Variants in COL9A1 observed in about 807,000 individuals in gnomAD.
The protein encoded by COL9A1 is collagen type IX alpha 1 chain.
A neutral mutation model predicts 142.6 loss-of-function variants in COL9A1; 104 were observed. The ratio of observed to expected loss-of-function variants is 0.73; its 90% confidence interval spans 0.62 to 0.86. COL9A1 has a LOEUF of 0.86. Ranked by LOEUF, COL9A1 falls within the 40% of genes least tolerant of loss-of-function variation. The pLI is 0.00. For synonymous variants in COL9A1, 466 were observed against 396.0 expected, an observed-to-expected ratio of 1.18 and a Z score of -2.10; for missense variants, 1,210 against 1,176.6, an observed-to-expected ratio of 1.03 and a Z score of -0.42.
chr6:70,297,330 A>G (rs1186422507), intron 4 of COL9A1, among the ~76,000 whole-genome samples: 2 of 152,158 alleles, frequency 1.3e-5, no homozygotes, highest in Non-Finnish European at 2.9e-5. Flanking sequence ...TGAAGATAAT[A>G]TATGTGTGTG....
chr6:70,227,331 G>A (rs1161651133), intron 36 of COL9A1, among the ~76,000 whole-genome samples: 3 of 146,584 alleles, frequency 2.0e-5, no homozygotes, highest in African/African-American at 7.6e-5. Context: ...CAAAATACAT[G>A]AGCAGGCAGG....
Position 70,256,911 on chromosome 6 carries a change from G to A in COL9A1, c.1450-90C>T. 3 of 1,242,238 alleles carry A rather than the reference G, an allele frequency of 2.4e-6. No individual in the cohort carries two copies. In the South Asian group the frequency reaches 3.8e-5, roughly 16 times the overall value. 77.0% of individuals were successfully genotyped at this position (1,242,238 alleles called of 1,614,324 possible). ...TCTTTCTAAAGAAATTTAATAGCCA[G>A]ATGAAAAGGAGGTTTTGTGCCTGTA... On this transcript the variant is annotated intron_variant, in intron 20 of 37. Coordinates refer to ENST00000357250, the MANE Select transcript of COL9A1 (RefSeq NM_001851.6).
chr6:70,267,794 G>A (rs866201630), intron 17 of COL9A1, among the ~76,000 whole-genome samples: 9 of 152,102 alleles, frequency 5.9e-5, no homozygotes, highest in African/African-American at 1.9e-4. Flanking sequence ...GAAAACTGTC[G>A]GAACTTTCAC....
chr6:70,294,501 C>T lies in COL9A1; in HGVS notation c.362G>A (p.Gly121Glu), dbSNP rs1773779562. The T allele has an allele frequency of 1.2e-6, 2 of 1,613,944 alleles. No homozygotes were observed. The highest frequency in any genetic ancestry group is 2.7e-5 in the African/African-American group (2 of 74,928). The change falls in exon 5 of 38, where the codon GGA becomes GAA. Residue 121 changes from glycine (G) to glutamate (E), a missense_variant. Transcript: ENST00000357250. ...YSFLTTFRMT[G>E]STLKKNWNIW... ...GTTCCAGTTCTTTTTGAGAGTGCTT[C>T]CAGTCATTCGAAACGTCGTCAAGAA...
In COL9A1 at chr6:70,216,670, C is replaced by G; in HGVS notation, c.*227G>C. On this transcript the variant is annotated 3_prime_UTR_variant, in exon 38 of 38. Transcript: ENST00000357250. ...TTTGGTTTTCTTTTTTTTTTTTTAA[C>G]TGATGACTCTGCTGTCTTCCCTCCA... 2 of 460,766 alleles carry G rather than the reference C, an allele frequency of 4.3e-6. No homozygotes were observed. Among genetic ancestry groups the G allele is most frequent in the Non-Finnish European group, 7.8e-6 (2 of 256,852 alleles). The allele number at this position is 460,766 out of a possible 1,614,324, so 28.5% of individuals were successfully genotyped here. A position where few individuals can be genotyped will look rare whatever the true frequency, so the allele number is the denominator to read the frequency against.
chr6:70,281,318 A>G, intron 8 of COL9A1, 72 bp downstream of exon 8: 4 of 1,434,876 alleles, frequency 2.8e-6, no homozygotes, highest in Non-Finnish European at 3.8e-6. Flanking sequence ...AAAAAACCCC[A>G]CAGGAGCCCT....
At chr6:70,253,019 A>G (rs1009989398) in intron 26 of COL9A1, among the ~76,000 whole-genome samples, 1 of 152,178 alleles carries the variant, frequency 6.6e-6, no homozygotes, top group Non-Finnish European at 1.5e-5. Context: ...AGTATGTGAA[A>G]AAAAAAATGC....
Position 70,217,081 on chromosome 6 carries a change from C to T in COL9A1, c.2582G>A (p.Gly861Asp). The T allele has an allele frequency of 6.2e-7, 1 of 1,613,956 alleles. No homozygotes were observed. Among genetic ancestry groups the T allele is most frequent in the Non-Finnish European group, 8.5e-7 (1 of 1,180,006 alleles). ...GCCATAGCTGGCAGGGCCTGGGTCA[C>T]CTGAAACACACAGAAGATTGCACAT... ...NGLPGAIGLPGDPGPASYGRN... is the reference protein window; with the variant it reads ...NGLPGAIGLPDDPGPASYGRN... Residue 861 changes from glycine to aspartate, a missense_variant and splice_region_variant, in exon 38 of 38, where the codon GGT (glycine) becomes GAT (aspartate). Transcript: ENST00000357250.
chr6:70,248,747 T>C (rs756116176), intron 28 of COL9A1, among the ~76,000 whole-genome samples: 10 of 152,090 alleles, frequency 6.6e-5, no homozygotes, highest in Non-Finnish European at 1.0e-4. Context: ...CAAGAAATAT[T>C]GATTGAGTGC....
intron 10 of COL9A1, chr6:70,279,934 G>A: frequency 1.6e-6 from 1 of 610,714 alleles, no homozygotes; most frequent in Non-Finnish European, 3.0e-6. Context: ...AGTAACTTGA[G>A]TGATGCACCA....
At chr6:70,263,202 AT>A (rs1310256674) in intron 19 of COL9A1, 41 bp downstream of exon 19, 2 of 1,427,330 alleles carry the variant, frequency 1.4e-6, no homozygotes, top group East Asian at 5.0e-5. Flanking sequence ...AAAAAAGAAT[AT>A]TTACATATCC....
intron 28 of COL9A1, chr6:70,246,088 T>G (rs1023742890): frequency 2.0e-5 from 3 of 152,300 alleles, no homozygotes; most frequent in Non-Finnish European, 4.4e-5. Context: ...CATTCAGGGC[T>G]AGGCGCAGGG....
chr6:70,221,718 C>T (rs1471607895), intron 37 of COL9A1, among the ~76,000 whole-genome samples: 1 of 152,044 alleles, frequency 6.6e-6, no homozygotes, highest in South Asian at 2.1e-4. Context: ...TATGTTTTGC[C>T]CTAGTGAGTG....
chr6:70,292,433 A>T (rs1248268761), intron 5 of COL9A1, among the ~76,000 whole-genome samples: 2 of 152,248 alleles, frequency 1.3e-5, no homozygotes, highest in East Asian at 3.9e-4. Context: ...TTCTGGTTAC[A>T]CTCCTGCATG....
intron 20 of COL9A1, among the ~76,000 whole-genome samples, chr6:70,257,612 T>C (rs1053235791): frequency 2.0e-5 from 3 of 152,146 alleles, no homozygotes; most frequent in Non-Finnish European, 2.9e-5. Context: ...CCGGGTCTGT[T>C]GGCACATGCC....
At chr6:70,226,493 T>TTAAA in intron 36 of COL9A1, among the ~76,000 whole-genome samples, 1 of 152,048 alleles carries the variant, frequency 6.6e-6, no homozygotes, top group African/African-American at 2.4e-5. Context: ...TCTAGAAAGT[T>TTAAA]AACTCAAAAA....
intron 4 of COL9A1, among the ~76,000 whole-genome samples, chr6:70,297,800 G>A (rs1773899293): frequency 6.6e-6 from 1 of 152,014 alleles, no homozygotes; most frequent in Non-Finnish European, 1.5e-5. Context: ...TAACACGTTT[G>A]TTAGTGGGAG....
chr6:70,232,545 G>T (rs372626522), intron 36 of COL9A1, 38 bp downstream of exon 36: 14 of 1,603,528 alleles, frequency 8.7e-6, no homozygotes, highest in Non-Finnish European at 1.2e-5. Context: ...TCTGAAAAAG[G>T]TTGTGTTCTT....
Position 70,253,403 on chromosome 6 carries a change from C to G in COL9A1, c.1746G>C (p.Lys582Asn), listed in dbSNP as rs1249314914. The change falls in exon 26 of 38, where the codon AAG becomes AAC. Residue 582 changes from lysine to asparagine, a missense_variant. Coordinates refer to ENST00000357250, the MANE Select transcript of COL9A1 (RefSeq NM_001851.6). Reference sequence around the variant, plus strand: ...ATTTTACCTTTTCACCAGCAACACCCTTTGCACCAGGAATTCCAGGTACAC... The same window carrying G: ...ATTTTACCTTTTCACCAGCAACACCGTTTGCACCAGGAATTCCAGGTACAC... ...LPGVPGIPGA[K>N]GVAGEKGSTG... 1.9e-6 allele frequency: 3 copies of G among 1,605,772 alleles called. No individual in the cohort carries two copies.
Sources: gnomAD v4.1 joint callset for allele counts (sites outside exome capture counted in the v4.1 genomes callset) on GRCh38, gnomAD v4.1.1 for gene constraint, MANE v1.5 for transcripts, NCBI Gene and HGNC (gene_info 2026-07-23, HGNC 2026-07-21) for gene names.